The following MYH8 variants were observed in gnomAD, a reference collection of about 807,000 sequenced individuals.
MYH8 encodes myosin-8.
Under a neutral mutation model 233.2 loss-of-function variants are expected in MYH8, and 168 were observed. That is an observed-to-expected ratio of 0.72 (90% CI 0.64 to 0.82). The LOEUF (loss-of-function observed/expected upper bound fraction) is 0.82, where lower values mean the gene tolerates loss of function less well. Among genes scored for constraint, MYH8 ranks in the 40% least tolerant of loss-of-function variants. The pLI is 0.00. For synonymous variants in MYH8, 785 were observed against 850.6 expected, an observed-to-expected ratio of 0.92 and a Z score of 1.34; for missense variants, 1,995 against 2,327.8, an observed-to-expected ratio of 0.86 and a Z score of 2.94.
Position 10,392,930 on chromosome 17 carries a change from GTTC to G in MYH8, c.5361_5363del (p.Lys1787del), listed in dbSNP as rs748681248. On this transcript the variant is annotated inframe_deletion, in exon 37 of 40. Coordinates refer to ENST00000403437, the MANE Select transcript of MYH8 (RefSeq NM_002472.3). ...GCAGGTCCTTCACCGTCTGCTCCAGGTTCTTCTTCATCCGCTCCAGGTGGGCGC... is the reference window on the plus strand; with the variant it reads ...GCAGGTCCTTCACCGTCTGCTCCAGGTTCTTCATCCGCTCCAGGTGGGCGC... The G allele has an allele frequency of 9.9e-6, 16 of 1,614,030 alleles. No individual in the cohort carries two copies. In the Admixed American group the frequency reaches 1.2e-4, roughly 12 times the overall value.
chr17:10,404,465 C>T lies in MYH8; in HGVS notation c.2553G>A (p.Glu851=), dbSNP rs770808549. The T allele has an allele frequency of 5.6e-6, 9 of 1,613,888 alleles. No individual in the cohort carries two copies. The highest frequency in any genetic ancestry group is 5.9e-6 in the Non-Finnish European group (7 of 1,179,974). ...GGAATTCTTCCTTCATGGTGGCCATCTCTTTCTCGGTCTCTGCACTCTTGA... is the reference window on the plus strand; with the variant it reads ...GGAATTCTTCCTTCATGGTGGCCATTTCTTTCTCGGTCTCTGCACTCTTGA... ...PLLKSAETEK[E]MATMKEEFQK... The change falls in exon 22 of 40, where the codon GAG becomes GAA. Residue 851 remains glutamate (E), a synonymous_variant. Coordinates refer to ENST00000403437, the MANE Select transcript of MYH8 (RefSeq NM_002472.3).
At chr17:10,413,289 G>A (rs1238480601) in intron 12 of MYH8, among the ~76,000 whole-genome samples, 3 of 152,176 alleles carry the variant, frequency 2.0e-5, no homozygotes, top group African/African-American at 7.2e-5. Flanking sequence ...ACATTTAGAG[G>A]AGGAAGAAAG....
In MYH8 at chr17:10,396,037, T is replaced by A. The variant is rs2072075519; in HGVS notation, c.4653+293A>T. ...GTAAAATATTTTTCCAAAATAATCATATTTCATGGCTATATAAAATTTCAT... is the reference window on the plus strand; with the variant it reads ...GTAAAATATTTTTCCAAAATAATCAAATTTCATGGCTATATAAAATTTCAT... On this transcript the variant is annotated intron_variant, in intron 33 of 39. Transcript: ENST00000403437. The surrounding 1 kb of genome is among the most constrained non-coding windows in gnomAD (Gnocchi z 4.2). Among the ~76,000 whole-genome samples, 1 of 152,238 alleles carries A rather than the reference T, an allele frequency of 6.6e-6. No homozygotes were observed. Among genetic ancestry groups the A allele is most frequent in the Non-Finnish European group, 1.5e-5 (1 of 68,036 alleles).
intron 12 of MYH8, among the ~76,000 whole-genome samples, chr17:10,413,379 T>G (rs746799219): frequency 3.9e-5 from 6 of 152,246 alleles, no homozygotes; most frequent in Non-Finnish European, 8.8e-5. Flanking sequence ...TATTGCGTGC[T>G]CTTTCCATAC....
In MYH8 at chr17:10,415,663, A is replaced by C. The variant is rs771698333; in HGVS notation, c.539+18T>G. ...TAAGACAATCCTTGCAAATCAGAGA[A>C]GAAAAAAAATCACATACGTGATCAG... is the stretch of plus-strand genomic sequence containing the variant. On this transcript the variant is annotated intron_variant, in intron 6 of 39. Transcript: ENST00000403437. This position sits in a 1 kb window ranked among gnomAD's most constrained non-coding sequence, Gnocchi z 4.1. 6.2e-7 allele frequency: 1 copy of C among 1,614,006 alleles called. No individual in the cohort carries two copies. Among genetic ancestry groups the C allele is most frequent in the Non-Finnish European group, 8.5e-7 (1 of 1,179,868 alleles).
In MYH8 at chr17:10,396,058, T is replaced by G. The variant is rs1012403534; in HGVS notation, c.4653+272A>C. Among the ~76,000 whole-genome samples, 6 of 152,230 alleles carry G rather than the reference T, an allele frequency of 3.9e-5. No homozygotes were observed. The highest frequency in any genetic ancestry group is 3.9e-4 in the Admixed American group (6 of 15,276). The stretch of plus-strand genomic sequence containing the variant: ...ATCATATTTCATGGCTATATAAAAT[T>G]TCATCACATGACTGTTCTGTGATTT... On this transcript the variant is annotated intron_variant, in intron 33 of 39. Transcript: ENST00000403437. The surrounding 1 kb of genome is among the most constrained non-coding windows in gnomAD (Gnocchi z 4.2).
At chr17:10,391,151 T>A (rs1661082481) in intron 39 of MYH8, among the ~76,000 whole-genome samples, 2 of 152,358 alleles carry the variant, frequency 1.3e-5, no homozygotes, top group African/African-American at 4.8e-5. Flanking sequence ...TTATATTAGC[T>A]ACAGCAAATG....
intron 37 of MYH8, 89 bp downstream of exon 37, chr17:10,392,742 G>T: frequency 1.2e-6 from 2 of 1,613,406 alleles, no homozygotes; most frequent in South Asian, 2.2e-5. Flanking sequence ...CCAGCCCCAG[G>T]ACAGGATGGG....
intron 38 of MYH8, 101 bp from the exon 39 acceptor site, chr17:10,392,078 G>T: frequency 1.1e-6 from 1 of 940,822 alleles, no homozygotes; most frequent in Non-Finnish European, 1.7e-6. Flanking sequence ...TGGGCCTGGG[G>T]TAAACTTGAT....
chr17:10,408,107 A>G (rs1255704436), intron 17 of MYH8, among the ~76,000 whole-genome samples: 8 of 151,752 alleles, frequency 5.3e-5, no homozygotes, highest in African/African-American at 1.9e-4. Flanking sequence ...TGCCCGGCTA[A>G]TTTTTATATT....
Position 10,393,223 on chromosome 17 carries a change from G to T in MYH8, c.5167-13C>A. The T allele has an allele frequency of 6.2e-7, 1 of 1,614,114 alleles. No homozygotes were observed. Among genetic ancestry groups the T allele is most frequent in the Non-Finnish European group, 8.5e-7 (1 of 1,180,030 alleles). On this transcript the variant is annotated splice_polypyrimidine_tract_variant and intron_variant, in intron 35 of 39. Coordinates refer to ENST00000403437, the MANE Select transcript of MYH8 (RefSeq NM_002472.3). ...TGAGACTGGTATTCTGTTAAAAGTA[G>T]TCGTGGAAATTTACAAAATTTGCAG...
In MYH8 at chr17:10,406,390, C is replaced by A. The variant is rs756057621; in HGVS notation, c.2179G>T (p.Val727Phe). The part of the protein sequence containing the change: ...LYGDFKQRYK[V>F]LNASAIPEGQ... ...TCTGGAATAGCACTTGCATTTAAAA[C>A]CTTGTATCTGCTCAGTTAAAGAAAG... The change falls in exon 20 of 40, where the codon GTT becomes TTT. Residue 727 changes from valine (V) to phenylalanine (F), a missense_variant. By Grantham distance (50) the Val-to-Phe change is conservative. Transcript: ENST00000403437. 6.2e-7 allele frequency: 1 copy of A among 1,613,968 alleles called. No individual in the cohort carries two copies. Among genetic ancestry groups the A allele is most frequent in the South Asian group, 1.1e-5 (1 of 91,064 alleles).
At chr17:10,391,774 G>A in intron 39 of MYH8, 108 bp downstream of exon 39, 1 of 854,174 alleles carries the variant, frequency 1.2e-6, no homozygotes, top group South Asian at 1.3e-5. Context: ...CTCTTAAAAT[G>A]AGTGGTAGAT....
chr17:10,395,502 C>T (rs1413771850), intron 33 of MYH8, 61 bp from the exon 34 acceptor site: 29 of 1,544,506 alleles, frequency 1.9e-5, no homozygotes, highest in Admixed American at 3.4e-5. Context: ...AGTATATTCC[C>T]TCGTGAGCCA....
chr17:10,400,694 C>T lies in MYH8; in HGVS notation c.3431G>A (p.Arg1144Gln), dbSNP rs1382406133. The T allele has an allele frequency of 2.5e-6, 4 of 1,614,060 alleles. No homozygotes were observed. In the Middle Eastern group the frequency reaches 5.0e-4, roughly 200 times the overall value. Residue 1144 changes from arginine (R) to glutamine (Q), a missense_variant, in exon 27 of 40, where the codon CGG becomes CAG. By Grantham distance (43) the Arg-to-Gln change is conservative (BLOSUM62 1). Transcript: ENST00000403437. This position sits in a 1 kb window ranked among gnomAD's most constrained non-coding sequence, Gnocchi z 4.0. ...CCTCTCGCTGATCTCCTCCAGTTCC[C>T]GGGAGAGGTCAGAGCGCTGCTTCTC... ...KAEKQRSDLSRELEEISERLE... is the reference protein window; with the variant it reads ...KAEKQRSDLSQELEEISERLE...
intron 17 of MYH8, among the ~76,000 whole-genome samples, chr17:10,407,873 T>A (rs1053495595): frequency 7.9e-5 from 12 of 151,002 alleles, no homozygotes; most frequent in African/African-American, 2.4e-4. Context: ...AAAATAAAAT[T>A]ATGAAACTAT....
chr17:10,393,078 A>G lies in MYH8; in HGVS notation c.5292+7T>C. 2 of 1,614,204 alleles carry G rather than the reference A, an allele frequency of 1.2e-6. No individual in the cohort carries two copies. Among genetic ancestry groups the G allele is most frequent in the Non-Finnish European group, 1.7e-6 (2 of 1,180,038 alleles). Reference sequence around the variant, plus strand: ...ATACGTGTCAGTAGGCCAAATGTTCATCTTACATCAGTGATGGCCTTCTTG... The same window carrying G: ...ATACGTGTCAGTAGGCCAAATGTTCGTCTTACATCAGTGATGGCCTTCTTG... On this transcript the variant is annotated splice_region_variant and intron_variant, in intron 36 of 39. Coordinates refer to ENST00000403437, the MANE Select transcript of MYH8 (RefSeq NM_002472.3).
In MYH8 at chr17:10,419,368, C is replaced by T. The variant is rs905394216; in HGVS notation, c.211-338G>A. On this transcript the variant is annotated intron_variant, in intron 3 of 39. Transcript: ENST00000403437. The surrounding 1 kb of genome is among the most constrained non-coding windows in gnomAD (Gnocchi z 4.0). The stretch of plus-strand genomic sequence containing the variant: ...CCACTGCGCCTGGCTAAGACCAGTT[C>T]GTTTTAATGGTTGGAGGTAGGGTTT... 6.6e-5 allele frequency among the ~76,000 whole-genome samples: 10 copies of T among 152,004 alleles called. No homozygotes were observed. The highest frequency in any genetic ancestry group is 2.2e-4 in the African/African-American group (9 of 41,376).
In MYH8 at chr17:10,396,920, A is replaced by G. The variant is rs375806999; in HGVS notation, c.4245T>C (p.Ala1415=). The G allele has an allele frequency of 6.2e-7, 1 of 1,614,222 alleles. No individual in the cohort carries two copies. The highest frequency in any genetic ancestry group is 2.2e-5 in the East Asian group (1 of 44,882). The change falls in exon 31 of 40, where the codon GCT becomes GCC. Residue 1415 remains alanine, a synonymous_variant. Transcript: ENST00000403437. The surrounding 1 kb of genome is among the most constrained non-coding windows in gnomAD (Gnocchi z 4.2). ...GCCGCTGCTTCGTCTTCTCAAGGGA[A>G]GCACATTTGGCGTTCACAGCTTCTA... ...EHVEAVNAKC[A]SLEKTKQRLQ... is the part of the protein sequence containing the mutation.
Sources: gnomAD v4.1 joint callset for allele counts (sites outside exome capture counted in the v4.1 genomes callset) on GRCh38, gnomAD v4.1.1 for gene constraint, Gnocchi (gnomAD v3.1) non-coding constraint, MANE v1.5 for transcripts, NCBI Gene and HGNC (gene_info 2026-07-23, HGNC 2026-07-21) for gene names.